Variants in DLGAP1 observed in about 807,000 individuals in gnomAD.
DLGAP1 encodes the protein DLG associated protein 1.
DLGAP1 carries 11 observed loss-of-function variants against 90.8 expected under a neutral mutation model. The ratio of observed to expected loss-of-function variants is 0.12; its 90% confidence interval spans 0.08 to 0.20. The LOEUF (loss-of-function observed/expected upper bound fraction) is 0.20, where lower values mean the gene tolerates loss of function less well. DLGAP1 is among the 10% of genes least tolerant of loss of function. The probability of loss-of-function intolerance (pLI) is 1.00; values close to 1 mark genes in which losing one functional copy is unlikely to be tolerated. For missense variants in DLGAP1, 1,050 were observed against 1,333.8 expected (o/e 0.79, Z 3.31); for synonymous variants, 558 against 540.7 (o/e 1.03, Z -0.44).
chr18:4,057,346 T>C (rs1369507680), intron 2 of DLGAP1, among the ~76,000 whole-genome samples: 1 of 152,146 alleles, frequency 6.6e-6, no homozygotes, highest in East Asian at 1.9e-4. Context: ...TATGACCTTG[T>C]AGGAACACTT....
intron 1 of DLGAP1, among the ~76,000 whole-genome samples, chr18:4,267,768 A>G (rs897128079): frequency 1.3e-5 from 2 of 152,286 alleles, no homozygotes; most frequent in Admixed American, 1.3e-4. Flanking sequence ...GCTGTGGCAC[A>G]AGGATCCACT....
chr18:3,994,569 C>T (rs929039356), intron 3 of DLGAP1, among the ~76,000 whole-genome samples: 1 of 152,154 alleles, frequency 6.6e-6, no homozygotes, highest in African/African-American at 2.4e-5. Context: ...TTGCAGAAAC[C>T]TGGATGCTTG....
intron 3 of DLGAP1, among the ~76,000 whole-genome samples, chr18:3,910,203 T>G (rs1407811957): frequency 6.6e-6 from 1 of 151,586 alleles, no homozygotes; most frequent in Non-Finnish European, 1.5e-5. Context: ...ATTATCACAT[T>G]ATTATTCAAA....
chr18:4,081,189 A>C (rs1244584031), intron 2 of DLGAP1, among the ~76,000 whole-genome samples: 4 of 151,878 alleles, frequency 2.6e-5, no homozygotes, highest in Non-Finnish European at 5.9e-5. Context: ...TGCCCAGCTG[A>C]ATGCCTTTTC....
chr18:3,836,791 C>T (rs144922775), intron 4 of DLGAP1, among the ~76,000 whole-genome samples: 54 of 152,340 alleles, frequency 3.5e-4, no homozygotes, highest in African/African-American at 1.2e-3. Flanking sequence ...TGTTTTATCA[C>T]GACTGCAGCT....
intron 2 of DLGAP1, among the ~76,000 whole-genome samples, chr18:4,082,917 T>C (rs1167075668): frequency 1.3e-5 from 2 of 152,134 alleles, no homozygotes; most frequent in Non-Finnish European, 2.9e-5. Flanking sequence ...TTTAATGCTC[T>C]GCTGTAGCTA....
intron 4 of DLGAP1, among the ~76,000 whole-genome samples, chr18:3,870,060 T>C (rs1236139329): frequency 2.6e-5 from 4 of 152,216 alleles, no homozygotes; most frequent in South Asian, 2.1e-4. Context: ...TAGGCTCTAC[T>C]GCCCCCTTCA....
At chr18:3,605,922 AAG>A (rs1351842789) in intron 7 of DLGAP1, among the ~76,000 whole-genome samples, 1 of 152,224 alleles carries the variant, frequency 6.6e-6, no homozygotes. Flanking sequence ...GTTTGTGTGA[AAG>A]AGAATTCATG....
At chr18:3,928,186 G>A (rs780061496) in intron 3 of DLGAP1, among the ~76,000 whole-genome samples, 12 of 152,176 alleles carry the variant, frequency 7.9e-5, no homozygotes, top group Non-Finnish European at 4.4e-5. Context: ...AGCATCTAAT[G>A]CTCAAGACAT....
chr18:3,857,064 T>C (rs962346758), intron 4 of DLGAP1, among the ~76,000 whole-genome samples: 5 of 152,136 alleles, frequency 3.3e-5, no homozygotes, highest in African/African-American at 7.2e-5. Context: ...GCTCTGTAAG[T>C]GTGCACTCTA....
At chr18:3,881,844 C>T (rs1471760433) in intron 3 of DLGAP1, among the ~76,000 whole-genome samples, 2 of 152,112 alleles carry the variant, frequency 1.3e-5, no homozygotes, top group Non-Finnish European at 2.9e-5. Context: ...ACCCGGGAGG[C>T]GGAGCTTGCA....
intron 1 of DLGAP1, among the ~76,000 whole-genome samples, chr18:4,418,619 C>G (rs2082958199): frequency 6.6e-6 from 1 of 151,968 alleles, no homozygotes; most frequent in African/African-American, 2.4e-5. Context: ...AAGAAAGAAT[C>G]AAGGAATTTG....
At chr18:4,350,945 A>C (rs531207263) in intron 1 of DLGAP1, among the ~76,000 whole-genome samples, 1 of 152,270 alleles carries the variant, frequency 6.6e-6, no homozygotes, top group East Asian at 1.9e-4. Flanking sequence ...TGCAGAAATA[A>C]TGACCACTGA....
At chr18:4,149,757 T>C (rs1253107288) in intron 2 of DLGAP1, among the ~76,000 whole-genome samples, 4 of 152,212 alleles carry the variant, frequency 2.6e-5, no homozygotes, top group Non-Finnish European at 5.9e-5. Flanking sequence ...TTCCTGATGA[T>C]TTGAGGTGGA....
intron 1 of DLGAP1, among the ~76,000 whole-genome samples, chr18:4,381,395 A>G (rs615121): frequency 0.25 from 38,459 of 152,156 alleles, 5,251 homozygotes; most frequent in Non-Finnish European, 0.32. Flanking sequence ...ATTTCAAAAG[A>G]ACCAGTCCTC....
At chr18:3,673,873 C>A (rs531813538) in intron 7 of DLGAP1, among the ~76,000 whole-genome samples, 1 of 143,480 alleles carries the variant, frequency 7.0e-6, no homozygotes, top group African/African-American at 2.6e-5. Flanking sequence ...GAGGGAGTCT[C>A]ACTCTGTTGC....
intron 7 of DLGAP1, among the ~76,000 whole-genome samples, chr18:3,626,856 G>A (rs1003692315): frequency 2.6e-5 from 4 of 151,054 alleles, no homozygotes; most frequent in African/African-American, 4.9e-5. Flanking sequence ...CTGAGATCAC[G>A]CCACTGCACT....
chr18:3,723,549 G>T (rs1422904344), intron 7 of DLGAP1, among the ~76,000 whole-genome samples: 1 of 151,722 alleles, frequency 6.6e-6, no homozygotes, highest in Non-Finnish European at 1.5e-5. Flanking sequence ...TCTGCTTAGG[G>T]TTTAGGGTTT....
chr18:3,622,457 G>T lies in DLGAP1; in HGVS notation c.1592-40209C>A, dbSNP rs1178500327. Among the ~76,000 whole-genome samples the T allele has an allele frequency of 5.3e-5, 8 of 152,236 alleles. No homozygotes were observed. The East Asian group carries it at 1.6e-3, about 30-fold the overall frequency. On this transcript the variant is annotated intron_variant, in intron 7 of 12. Coordinates refer to ENST00000315677, the MANE Select transcript of DLGAP1 (RefSeq NM_004746.4). ...TGGCTTGGGATCTGGGAATGATGGG[G>T]AAAGTTACTCTCTCAAAGATTGGCT...
Sources: allele counts gnomAD v4.1 joint callset (sites outside exome capture counted in the v4.1 genomes callset), GRCh38; gene constraint gnomAD v4.1.1; transcripts MANE v1.5; gene names NCBI Gene and HGNC (gene_info 2026-07-23, HGNC 2026-07-21).